The following DUSP1 variants were observed in gnomAD, a reference collection of about 807,000 sequenced individuals.
DUSP1 encodes dual specificity phosphatase 1.
In DUSP1, 10 loss-of-function variants were observed where a neutral mutation model predicts 27.4. The observed-to-expected ratio is 0.37, with a 90% CI of 0.23 to 0.62. The LOEUF (loss-of-function observed/expected upper bound fraction) is 0.62, where lower values mean the gene tolerates loss of function less well. Ranked by LOEUF, DUSP1 falls within the 20% of genes least tolerant of loss-of-function variation. The pLI, the probability that DUSP1 is intolerant of heterozygous loss-of-function variation, is 0.68. For missense variants in DUSP1, 425 were observed against 508.1 expected (o/e 0.84, Z 1.57); for synonymous variants, 262 against 223.6 (o/e 1.17, Z -1.53).
In DUSP1 at chr5:172,770,569, C is replaced by T; in HGVS notation, c.367+17G>A. 7.1e-7 allele frequency: 1 copy of T among 1,409,290 alleles called. No homozygotes were observed. The highest frequency in any genetic ancestry group is 1.7e-5 in the South Asian group (1 of 58,484). 87.3% of individuals were successfully genotyped at this position (1,409,290 alleles called of 1,614,324 possible). On this transcript the variant is annotated intron_variant, in intron 1 of 3. Transcript: ENST00000239223. ...TCAGGGGTGTGCGGCCCGCCCCGAG[C>T]TTCCCCGAGGGCGTACCTTTGAGGA...
intron 1 of DUSP1, 71 bp from the exon 2 acceptor site, chr5:172,770,377 A>G: frequency 1.9e-6 from 3 of 1,592,156 alleles, no homozygotes; most frequent in Non-Finnish European, 2.6e-6. Flanking sequence ...CAACTCCCCC[A>G]CCCACCAAGG....
At position 172,770,812 on chromosome 5, in the gene DUSP1, G is replaced by A. The variant is rs900583978; in HGVS notation, c.141C>T (p.Arg47=). The change falls in exon 1 of 4, where the codon CGC becomes CGT. Residue 47 remains arginine (R), a synonymous_variant. Transcript: ENST00000239223. ...CCCGGCGCCGCACGATGGTGCTGAA[G>A]CGCACGTTGACAGAGCCGGCGATGT... ...AGHIAGSVNV[R]FSTIVRRRAK... is the part of the protein sequence containing the mutation. 8 of 1,525,610 alleles carry A rather than the reference G, an allele frequency of 5.2e-6. No homozygotes were observed. The highest frequency in any genetic ancestry group is 5.3e-6 in the Non-Finnish European group (6 of 1,142,054). The allele number at this position is 1,525,610 out of a possible 1,614,324, so 94.5% of individuals were successfully genotyped here.
rs752632230 is a variant in DUSP1, at chr5:172,768,786, G to A, written c.1080C>T (p.Pro360=). ...TTCAGCAGCTGGGAGAGGTCGTAAT[G>A]GGGCTCTGAAGGTAGCTCAGCGCAC... is the stretch of plus-strand genomic sequence containing the variant. ...TNSALSYLQS[P]ITTSPSC is the part of the protein sequence containing the mutation. The change falls in exon 4 of 4, where the codon CCC becomes CCT. Residue 360 remains proline (P), a synonymous_variant. Transcript: ENST00000239223. 2 of 1,524,482 alleles carry A rather than the reference G, an allele frequency of 1.3e-6. No homozygotes were observed. Among genetic ancestry groups the A allele is most frequent in the Non-Finnish European group, 1.8e-6 (2 of 1,134,466 alleles). 94.4% of individuals were successfully genotyped at this position (1,524,482 alleles called of 1,614,324 possible).
rs1203032481 is a variant in DUSP1 at position 172,770,576 on chromosome 5, G to T, written c.367+10C>A. The stretch of plus-strand genomic sequence containing the variant: ...TGTGCGGCCCGCCCCGAGCTTCCCC[G>T]AGGGCGTACCTTTGAGGAAGAAGAC... On this transcript the variant is annotated intron_variant, in intron 1 of 3. Transcript: ENST00000239223. The T allele has an allele frequency of 7.1e-7, 1 of 1,403,970 alleles. No individual in the cohort carries two copies. The highest frequency in any genetic ancestry group is 1.7e-5 in the South Asian group (1 of 57,592). 87.0% of individuals were successfully genotyped at this position (1,403,970 alleles called of 1,614,324 possible).
At chr5:172,769,896 C>G in intron 2 of DUSP1, 102 bp from the exon 3 acceptor site, 42 of 1,348,560 alleles carry the variant, frequency 3.1e-5, no homozygotes, top group Non-Finnish European at 4.2e-5. Flanking sequence ...TTTCAGATAC[C>G]GAGTGAACTC....
rs1309235806 is a variant in DUSP1 at position 172,770,714 on chromosome 5, T to C, written c.239A>G (p.Tyr80Cys). Residue 80 changes from tyrosine to cysteine, a missense_variant, in exon 1 of 4, where the codon TAC (tyrosine) becomes TGC (cysteine). Tyr to Cys is a radical substitution (Grantham distance 194, BLOSUM62 -2). Coordinates refer to ENST00000239223, the MANE Select transcript of DUSP1 (RefSeq NM_004417.4). ...ELRGRLLAGA[Y>C]HAVVLLDERS... The stretch of plus-strand genomic sequence containing the variant: ...CTCGTCCAGCAACACCACGGCGTGG[T>C]AGGCGCCGGCCAGCAGGCGGCCGCG... The C allele has an allele frequency of 2.9e-6, 4 of 1,399,890 alleles. No homozygotes were observed. The highest frequency in any genetic ancestry group is 3.7e-6 in the Non-Finnish European group (4 of 1,079,438). 86.7% of individuals were successfully genotyped at this position (1,399,890 alleles called of 1,614,324 possible). A position where few individuals can be genotyped will look rare whatever the true frequency, so the allele number is the denominator to read the frequency against.
In DUSP1 at chr5:172,769,901, G is replaced by A. The variant is rs189482036; in HGVS notation, c.514-107C>T. Reference sequence around the variant, plus strand: ...GAAAAGTCAATTTCAGATACCGAGTGAACTCAGTTCTGTTGCTGGAGGATA... The same window carrying A: ...GAAAAGTCAATTTCAGATACCGAGTAAACTCAGTTCTGTTGCTGGAGGATA... On this transcript the variant is annotated intron_variant, in intron 2 of 3. Transcript: ENST00000239223. The A allele has an allele frequency of 6.0e-6, 8 of 1,331,014 alleles. No individual in the cohort carries two copies. The African/African-American group carries it at 1.2e-4, about 19-fold the overall frequency. The allele number at this position is 1,331,014 out of a possible 1,614,324, so 82.5% of individuals were successfully genotyped here. A position where few individuals can be genotyped will look rare whatever the true frequency, so the allele number is the denominator to read the frequency against.
rs752683966 is a variant in DUSP1, at chr5:172,770,619, C to G, written c.334G>C (p.Glu112Gln). 30 of 1,324,024 alleles carry G rather than the reference C, an allele frequency of 2.3e-5. No homozygotes were observed. Among genetic ancestry groups the G allele is most frequent in the East Asian group, 8.9e-5 (3 of 33,604 alleles). 82.0% of individuals were successfully genotyped at this position (1,324,024 alleles called of 1,614,324 possible). Residue 112 changes from glutamate to glutamine, a missense_variant, in exon 1 of 4, where the codon GAG (glutamate) becomes CAG (glutamine). This residue lies in a region of DUSP1 where 282 missense variants were observed against 319.3 expected (regional missense o/e 0.88). Coordinates refer to ENST00000239223, the MANE Select transcript of DUSP1 (RefSeq NM_004417.4). ...LALAAGALCREARAAQVFFLK... is the reference protein window; with the variant it reads ...LALAAGALCRQARAAQVFFLK... ...AAGAAGACTTGCGCGGCGCGCGCCT[C>G]GCGGCAGAGCGCGCCGGCCGCCAGG...
rs763412687 is a variant in DUSP1, at chr5:172,768,754, G to A, written c.*8C>T. 8.6e-6 allele frequency: 13 copies of A among 1,507,506 alleles called. No individual in the cohort carries two copies. The highest frequency in any genetic ancestry group is 2.3e-5 in the Admixed American group (1 of 43,294). 93.4% of individuals were successfully genotyped at this position (1,507,506 alleles called of 1,614,324 possible). The stretch of plus-strand genomic sequence containing the variant: ...TGGGATGTGAAGAGCCTCACCTCCC[G>A]TGGCCTTTCAGCAGCTGGGAGAGGT... On this transcript the variant is annotated 3_prime_UTR_variant, in exon 4 of 4. Transcript: ENST00000239223.
At chr5:172,769,425 A>T (rs1003984688) in intron 3 of DUSP1, 150 bp downstream of exon 3, 1 of 940,486 alleles carries the variant, frequency 1.1e-6, no homozygotes, top group African/African-American at 1.7e-5. Flanking sequence ...AATCAAATTC[A>T]TATTTTACAG....
chr5:172,769,384 C>T (rs1759844718), intron 3 of DUSP1, among the ~76,000 whole-genome samples, 191 bp downstream of exon 3: 1 of 152,202 alleles, frequency 6.6e-6, no homozygotes, highest in African/African-American at 2.4e-5. Flanking sequence ...TTTGTGAGCC[C>T]CACTTTGCAA....
Position 172,768,837 on chromosome 5 carries a change from G to C in DUSP1, c.1029C>G (p.Val343=), listed in dbSNP as rs748312900. The C allele has an allele frequency of 6.3e-7, 1 of 1,595,444 alleles. No individual in the cohort carries two copies. The highest frequency in any genetic ancestry group is 1.1e-5 in the South Asian group (1 of 87,570). The change falls in exon 4 of 4, where the codon GTC becomes GTG. Residue 343 remains valine, a synonymous_variant. Transcript: ENST00000239223. ...TSTTTVFNFP[V]SIPVHSTNSA... is the part of the protein sequence containing the mutation. The stretch of plus-strand genomic sequence containing the variant: ...TGTTCGTGGAGTGGACAGGGATGGA[G>C]ACGGGGAAGTTGAACACGGTGGTGG...
intron 2 of DUSP1, 99 bp downstream of exon 2, chr5:172,770,061 TA>T: frequency 6.8e-7 from 1 of 1,478,082 alleles, no homozygotes; most frequent in Non-Finnish European, 9.0e-7. Context: ...CCCTCCGTTA[TA>T]AATAATGCTG....
rs1759824423 is a variant in DUSP1, at chr5:172,768,414, T to C, written c.*348A>G. 1 of 197,606 alleles carries C rather than the reference T, an allele frequency of 5.1e-6. No homozygotes were observed. Among genetic ancestry groups the C allele is most frequent in the Admixed American group, 6.0e-5 (1 of 16,682 alleles). 12.2% of individuals were successfully genotyped at this position (197,606 alleles called of 1,614,324 possible). ...AATAAGGTATATTCTCATATGTATA[T>C]GTGTCGTCGGGAATAATACTGGTAG... On this transcript the variant is annotated 3_prime_UTR_variant, in exon 4 of 4. Coordinates refer to ENST00000239223, the MANE Select transcript of DUSP1 (RefSeq NM_004417.4).
Position 172,768,749 on chromosome 5 carries a change from C to A in DUSP1, c.*13G>T, listed in dbSNP as rs371987586. On this transcript the variant is annotated 3_prime_UTR_variant, in exon 4 of 4. Coordinates refer to ENST00000239223, the MANE Select transcript of DUSP1 (RefSeq NM_004417.4). ...CCCAATGGGATGTGAAGAGCCTCAC[C>A]TCCCGTGGCCTTTCAGCAGCTGGGA... 1.9e-5 allele frequency: 28 copies of A among 1,503,338 alleles called. No individual in the cohort carries two copies. Among genetic ancestry groups the A allele is most frequent in the Non-Finnish European group, 2.3e-5 (26 of 1,125,598 alleles). The allele number at this position is 1,503,338 out of a possible 1,614,324, so 93.1% of individuals were successfully genotyped here.
chr5:172,769,732 C>A lies in DUSP1; in HGVS notation c.576G>T (p.Lys192Asn). The stretch of plus-strand genomic sequence containing the variant: ...TGATGCCCAAGGCATCCAGCATGTC[C>A]TTGCGGGAAGCGTGATACGCACTGC... ...YLGSAYHASR[K>N]DMLDALGITA... Residue 192 changes from lysine to asparagine, a missense_variant, in exon 3 of 4, where the codon AAG (lysine) becomes AAT (asparagine). Lys to Asn is a moderately conservative substitution (Grantham distance 94, BLOSUM62 0). This residue lies in a region of DUSP1 where 282 missense variants were observed against 319.3 expected (regional missense o/e 0.88). Coordinates refer to ENST00000239223, the MANE Select transcript of DUSP1 (RefSeq NM_004417.4). 3 of 1,614,272 alleles carry A rather than the reference C, an allele frequency of 1.9e-6. No individual in the cohort carries two copies. The highest frequency in any genetic ancestry group is 2.7e-5 in the African/African-American group (2 of 75,070).
At position 172,770,667 on chromosome 5, in the gene DUSP1, C is replaced by G. The variant is rs1759875855; in HGVS notation, c.286G>C (p.Ala96Pro). Residue 96 changes from alanine (A) to proline (P), a missense_variant, in exon 1 of 4, where the codon GCC (alanine) becomes CCC (proline). Transcript: ENST00000239223. ...LDERSAALDG[A>P]KRDGTLALAA... ...AGGGCCAGGGTGCCGTCGCGCTTGG[C>G]GCCGTCCAGGGCGGCGCTGCGCTCG... The G allele has an allele frequency of 7.6e-7, 1 of 1,314,608 alleles. No homozygotes were observed. Among genetic ancestry groups the G allele is most frequent in the Admixed American group, 4.2e-5 (1 of 23,852 alleles). The allele number at this position is 1,314,608 out of a possible 1,614,324, so 81.4% of individuals were successfully genotyped here.
rs868777716 is a variant in DUSP1 at position 172,770,894 on chromosome 5, C to A, written c.59G>T (p.Arg20Leu). The A allele has an allele frequency of 6.5e-7, 1 of 1,535,774 alleles. No homozygotes were observed. The highest frequency in any genetic ancestry group is 8.7e-7 in the Non-Finnish European group (1 of 1,147,652). Reference sequence around the variant, plus strand: ...GTCCAGCAGCAGGCATTGCGCCGCTCGCTCCCCCAGCAGCGCCCGCAGGCC... The same window carrying A: ...GTCCAGCAGCAGGCATTGCGCCGCTAGCTCCCCCAGCAGCGCCCGCAGGCC... ...AGGLRALLGE[R>L]AAQCLLLDCR... The change falls in exon 1 of 4, where the codon CGA becomes CTA. Residue 20 changes from arginine (R) to leucine (L), a missense_variant. Around this residue, in one of 3 missense-constraint regions of DUSP1, gnomAD observed 282 missense variants for 319.3 expected, o/e 0.88. Transcript: ENST00000239223.
rs1489743147 is a variant in DUSP1 at position 172,770,966 on chromosome 5, GC to G, written c.-15del. 2.7e-6 allele frequency: 4 copies of G among 1,464,214 alleles called. No homozygotes were observed. Among genetic ancestry groups the G allele is most frequent in the African/African-American group, 2.9e-5 (2 of 68,632 alleles). 90.7% of individuals were successfully genotyped at this position (1,464,214 alleles called of 1,614,324 possible). The stretch of plus-strand genomic sequence containing the variant: ...TTCCATGACCATGGCCGGCCTCAGC[GC>G]CCCCAGCGTGATCGGCCCTGCGGTG... On this transcript the variant is annotated 5_prime_UTR_variant, in exon 1 of 4. Transcript: ENST00000239223.
Sources: gnomAD v4.1 joint callset for allele counts (sites outside exome capture counted in the v4.1 genomes callset) on GRCh38, gnomAD v4.1.1 for gene constraint, gnomAD v4.1.1 regional missense constraint, MANE v1.5 for transcripts, NCBI Gene and HGNC (gene_info 2026-07-23, HGNC 2026-07-21) for gene names.